The following IRS1 variants were observed in gnomAD, a reference collection of about 807,000 sequenced individuals.
The protein encoded by IRS1 is insulin receptor substrate 1.
IRS1 carries 34 observed loss-of-function variants against 65.6 expected under a neutral mutation model. The observed-to-expected ratio is 0.52, with a 90% CI of 0.39 to 0.69. The LOEUF (loss-of-function observed/expected upper bound fraction) is 0.69. IRS1 is among the 30% of genes least tolerant of loss of function. The probability of loss-of-function intolerance (pLI) is 0.00; values close to 1 mark genes in which losing one functional copy is unlikely to be tolerated. For synonymous variants in IRS1, 699 were observed against 683.5 expected, an observed-to-expected ratio of 1.02 and a Z score of -0.35; for missense variants, 1,641 against 1,720.2, an observed-to-expected ratio of 0.95 and a Z score of 0.81.
rs1938255548 is a variant in IRS1 at position 226,732,813 on chromosome 2, G to C, written c.*3459C>G. 6.6e-6 allele frequency: 1 copy of C among 151,874 alleles called. No individual in the cohort carries two copies. 9.4% of individuals were successfully genotyped at this position (151,874 alleles called of 1,614,324 possible). A position where few individuals can be genotyped will look rare whatever the true frequency, so the allele number is the denominator to read the frequency against. On this transcript the variant is annotated 3_prime_UTR_variant, in exon 2 of 2. Transcript: ENST00000305123. ...AACTCCCCTGTCAAGTCATTGCAAA[G>C]AAGAAATTTCATATTGGCTTCCACC...
chr2:226,767,299 A>T (rs1559152349), intron 1 of IRS1, among the ~76,000 whole-genome samples: 2 of 152,236 alleles, frequency 1.3e-5, no homozygotes, highest in Non-Finnish European at 2.9e-5. Context: ...ACTTAAGATA[A>T]AAAGAGTGCT....
Position 226,733,495 on chromosome 2 carries a change from C to T in IRS1, c.*2777G>A, listed in dbSNP as rs939875417. The T allele has an allele frequency of 2.0e-5, 3 of 152,200 alleles. No individual in the cohort carries two copies. Among genetic ancestry groups the T allele is most frequent in the Non-Finnish European group, 4.4e-5 (3 of 68,034 alleles). The allele number at this position is 152,200 out of a possible 1,614,324, so 9.4% of individuals were successfully genotyped here. On this transcript the variant is annotated 3_prime_UTR_variant, in exon 2 of 2. Transcript: ENST00000305123. ...CCCAGAATGAAGATATCATCAAAGTCATAAAACATATTTGTTCTTTTCGCA... is the reference window on the plus strand; with the variant it reads ...CCCAGAATGAAGATATCATCAAAGTTATAAAACATATTTGTTCTTTTCGCA...
rs1213423707 is a variant in IRS1, at chr2:226,786,667, C to CA, written c.*21+8321dup. Among the ~76,000 whole-genome samples the CA allele has an allele frequency of 8.1e-3, 1,030 of 126,450 alleles. 8 individuals carry two copies. Among genetic ancestry groups the CA allele is most frequent in the African/African-American group, 0.028 (936 of 33,818 alleles). The allele number at this position is 126,450 out of a possible 152,430, so 83.0% of individuals were successfully genotyped here. A position where few individuals can be genotyped will look rare whatever the true frequency, so the allele number is the denominator to read the frequency against. ...AAAAAAAAAACAAAAACAACAACAA[C>CA]AAAAAAAAACCAAAAAAAATTGGAA... On this transcript the variant is annotated intron_variant, in intron 1 of 1. Coordinates refer to ENST00000305123, the MANE Select transcript of IRS1 (RefSeq NM_005544.3).
Position 226,796,284 on chromosome 2 carries a change from C to A in IRS1, c.2455G>T (p.Gly819Ter). 1 of 1,613,534 alleles carries A rather than the reference C, an allele frequency of 6.2e-7. No homozygotes were observed. Among genetic ancestry groups the A allele is most frequent in the Non-Finnish European group, 8.5e-7 (1 of 1,180,046 alleles). The change falls in exon 1 of 2, where the codon GGA becomes TGA. Residue 819 changes from glycine (G) to a stop codon, truncating the protein, a stop_gained. Coordinates refer to ENST00000305123, the MANE Select transcript of IRS1 (RefSeq NM_005544.3). LOFTEE classifies it high-confidence loss of function. ...SSTSSDSLGGGYCGARLEPSL... is the reference protein window; with the variant it reads ...SSTSSDSLGG ...GGCTCCAGCCTAGCCCCGCAGTATC[C>A]CCCACCCAGGCTGTCGCTGCTGGTG...
chr2:226,776,530 C>T (rs999849452), intron 1 of IRS1, among the ~76,000 whole-genome samples: 11 of 152,108 alleles, frequency 7.2e-5, no homozygotes, highest in Non-Finnish European at 1.5e-4. Flanking sequence ...CAACATCGAC[C>T]TTGAGAAATC....
chr2:226,793,230 G>A (rs560152094), intron 1 of IRS1, among the ~76,000 whole-genome samples: 57 of 152,208 alleles, frequency 3.7e-4, no homozygotes, highest in South Asian at 1.2e-3. Flanking sequence ...AAATTAAGAT[G>A]ACAAGTAAGA....
chr2:226,788,112 C>T (rs1407624096), intron 1 of IRS1, among the ~76,000 whole-genome samples: 2 of 151,888 alleles, frequency 1.3e-5, no homozygotes, highest in Admixed American at 6.6e-5. Context: ...CTAAATATGT[C>T]AGGGAGGATC....
intron 1 of IRS1, among the ~76,000 whole-genome samples, chr2:226,776,564 T>C (rs1031723275): frequency 1.2e-4 from 19 of 152,300 alleles, no homozygotes; most frequent in African/African-American, 4.3e-4. Context: ...GTACACTTGA[T>C]AGGTGATGAA....
In IRS1 at chr2:226,795,863, C is replaced by T. The variant is rs1347449303; in HGVS notation, c.2876G>A (p.Gly959Glu). 8.7e-6 allele frequency: 14 copies of T among 1,613,648 alleles called. No individual in the cohort carries two copies. Among genetic ancestry groups the T allele is most frequent in the Non-Finnish European group, 1.0e-5 (12 of 1,180,022 alleles). Reference protein sequence around the residue: ...GRRAAWQESTGVEMGRLGPAP... With the variant: ...GRRAAWQESTEVEMGRLGPAP... ...AGGGCCCAGTCTGCCCATCTCGACC[C>T]CAGTGCTCTCCTGCCAGGCTGCCCT... Residue 959 changes from glycine (G) to glutamate (E), a missense_variant, in exon 1 of 2, where the codon GGG becomes GAG. Around this residue, in one of 3 missense-constraint regions of IRS1, gnomAD observed 1,324 missense variants for 1,361.0 expected, o/e 0.97. Coordinates refer to ENST00000305123, the MANE Select transcript of IRS1 (RefSeq NM_005544.3).
At chr2:226,759,541 A>T (rs1164366805) in intron 1 of IRS1, among the ~76,000 whole-genome samples, 1 of 152,222 alleles carries the variant, frequency 6.6e-6, no homozygotes. Context: ...ATATAGTAAC[A>T]GTTGGTATGT....
At chr2:226,779,997 AGG>A (rs1303023857) in intron 1 of IRS1, among the ~76,000 whole-genome samples, 1 of 152,224 alleles carries the variant, frequency 6.6e-6, no homozygotes, top group East Asian at 1.9e-4. Flanking sequence ...ATTTTAGTAG[AGG>A]GGCTAATTAG....
chr2:226,785,500 G>A (rs896867533), intron 1 of IRS1, among the ~76,000 whole-genome samples: 5 of 152,338 alleles, frequency 3.3e-5, no homozygotes, highest in Non-Finnish European at 7.3e-5. Flanking sequence ...CTACTCAGGA[G>A]GATGAGGCTG....
rs1014628921 is a variant in IRS1, at chr2:226,794,921, G to A, written c.*21+68C>T. ...GGAAAGAACAGGAAGGGGCAGAGGC[G>A]AAGAACAGAATTCAAGGACAAGGTT... On this transcript the variant is annotated intron_variant, in intron 1 of 1. Transcript: ENST00000305123. This position sits in a 1 kb window ranked among gnomAD's most constrained non-coding sequence, Gnocchi z 4.1. 1.1e-5 allele frequency: 15 copies of A among 1,381,958 alleles called. No homozygotes were observed. The highest frequency in any genetic ancestry group is 4.3e-5 in the African/African-American group (3 of 70,432). The allele number at this position is 1,381,958 out of a possible 1,614,324, so 85.6% of individuals were successfully genotyped here.
intron 1 of IRS1, among the ~76,000 whole-genome samples, chr2:226,779,373 C>T (rs1393294862): frequency 6.6e-6 from 1 of 152,170 alleles, no homozygotes; most frequent in African/African-American, 2.4e-5. Context: ...GCTTTAAAAT[C>T]CTATGGTCCA....
chr2:226,779,893 G>A (rs1939348357), intron 1 of IRS1, among the ~76,000 whole-genome samples: 2 of 152,174 alleles, frequency 1.3e-5, no homozygotes, highest in South Asian at 4.1e-4. Flanking sequence ...CAGTTTTCCA[G>A]ACCAAGGTAA....
chr2:226,770,355 T>C (rs1439342167), intron 1 of IRS1, among the ~76,000 whole-genome samples: 1 of 152,250 alleles, frequency 6.6e-6, no homozygotes, highest in African/African-American at 2.4e-5. Flanking sequence ...AAATTTAGTA[T>C]GATACATTGT....
At position 226,797,804 on chromosome 2, in the gene IRS1, G is replaced by T. The variant is rs1436788641; in HGVS notation, c.935C>A (p.Ser312Tyr). The T allele has an allele frequency of 1.9e-6, 3 of 1,600,916 alleles. No individual in the cohort carries two copies. ...CTTCCCGCCCACCATGCTGGCCGGG[G>T]AGGTGGCGGTGATGCTCTCAGTGCG... Reference protein sequence around the residue: ...RSRTESITATSPASMVGGKPG... With the variant: ...RSRTESITATYPASMVGGKPG... The change falls in exon 1 of 2, where the codon TCC becomes TAC. Residue 312 changes from serine (S) to tyrosine (Y), a missense_variant. Coordinates refer to ENST00000305123, the MANE Select transcript of IRS1 (RefSeq NM_005544.3). This position sits in a 1 kb window ranked among gnomAD's most constrained non-coding sequence, Gnocchi z 8.1.
chr2:226,743,556 AACCAAAATAAACCTGTT>A (rs1195036716), intron 1 of IRS1, among the ~76,000 whole-genome samples: 1 of 152,204 alleles, frequency 6.6e-6, no homozygotes, highest in Admixed American at 6.5e-5. Context: ...AACAGAGCTC[AACCAAAATAAACCTGTT>A]ACGAAAAGAC....
In IRS1 at chr2:226,799,521, C is replaced by T. The variant is rs971131281; in HGVS notation, c.-783G>A. ...TGGGGACCGGCCGGAGGGACAGACT[C>T]ATCCCTGCCCCTCGCTCCAGGCGGC... On this transcript the variant is annotated 5_prime_UTR_variant, in exon 1 of 2. It removes an upstream start codon present in the reference 5' UTR. Transcript: ENST00000305123. This position sits in a 1 kb window ranked among gnomAD's most constrained non-coding sequence, Gnocchi z 6.1. 2.7e-6 allele frequency: 3 copies of T among 1,094,724 alleles called. No homozygotes were observed. The highest frequency in any genetic ancestry group is 2.3e-6 in the Non-Finnish European group (2 of 884,426). 67.8% of individuals were successfully genotyped at this position (1,094,724 alleles called of 1,614,324 possible).
Sources: allele counts gnomAD v4.1 joint callset (sites outside exome capture counted in the v4.1 genomes callset), GRCh38; gene constraint gnomAD v4.1.1; regional missense constraint gnomAD v4.1.1; non-coding constraint Gnocchi (gnomAD v3.1); transcripts MANE v1.5; gene names NCBI Gene and HGNC (gene_info 2026-07-23, HGNC 2026-07-21).